Variants in ARHGEF9 observed in about 807,000 individuals in gnomAD.
ARHGEF9 encodes Cdc42 guanine nucleotide exchange factor 9, also known as rho guanine nucleotide exchange factor 9.
ARHGEF9 carries 2 observed loss-of-function variants against 41.3 expected under a neutral mutation model. That is an observed-to-expected ratio of 0.05 (90% CI 0.02 to 0.15). ARHGEF9 has a LOEUF of 0.15. Among genes scored for constraint, ARHGEF9 ranks in the 10% least tolerant of loss-of-function variants. The pLI, the probability that ARHGEF9 is intolerant of heterozygous loss-of-function variation, is 1.00. For synonymous variants in ARHGEF9, 160 were observed against 154.4 expected (o/e 1.04, Z -0.27); for missense variants, 225 against 424.7 (o/e 0.53, Z 4.13).
At chrX:63,684,123 TA>T (rs1359603496) in intron 4 of ARHGEF9, among the ~76,000 whole-genome samples, 1 of 109,850 alleles carries the variant, frequency 9.1e-6, no homozygotes, top group African/African-American at 3.3e-5. Flanking sequence ...ATAAAGTGGT[TA>T]ATATTCAAAA....
At chrX:63,775,860 A>C (rs2056285228) in intron 1 of ARHGEF9, among the ~76,000 whole-genome samples, 1 of 111,890 alleles carries the variant, frequency 8.9e-6, no homozygotes, top group South Asian at 3.8e-4. Flanking sequence ...AAATAAAATC[A>C]AAAGTACATT....
In ARHGEF9 at chrX:63,637,914, G is replaced by T; in HGVS notation, c.*114C>A. The T allele has an allele frequency of 3.6e-6, 2 of 559,888 alleles. No individual in the cohort carries two copies. Among genetic ancestry groups the T allele is most frequent in the East Asian group, 3.7e-5 (1 of 27,030 alleles). The allele number at this position is 559,888 out of a possible 1,213,427, so 46.1% of individuals were successfully genotyped here. ...TGTGTGTGTGTATGTGTACTCAAGG[G>T]TCTCTGTGTGTGTGTGTGTGTATAA... On this transcript the variant is annotated 3_prime_UTR_variant, in exon 10 of 10. Transcript: ENST00000671741.
intron 2 of ARHGEF9, among the ~76,000 whole-genome samples, chrX:63,723,883 G>A (rs1307595056): frequency 8.9e-6 from 1 of 112,248 alleles, no homozygotes; most frequent in African/African-American, 3.2e-5. Context: ...AGAGGCAGAA[G>A]GCTTGCAAGA....
chrX:63,782,378 C>T (rs1304546705), intron 1 of ARHGEF9, among the ~76,000 whole-genome samples: 1 of 112,043 alleles, frequency 8.9e-6, no homozygotes, highest in East Asian at 2.8e-4. Flanking sequence ...GGTCCTAAAC[C>T]TCTGATTTGT....
rs1388870594 is a variant in ARHGEF9, at chrX:63,677,856, A to G, written c.815+484T>C. Among the ~76,000 whole-genome samples, 3 of 111,732 alleles carry G rather than the reference A, an allele frequency of 2.7e-5. No individual in the cohort carries two copies. In the Admixed American group the frequency reaches 2.8e-4, roughly 11 times the overall value. Reference sequence around the variant, plus strand: ...ACATAGCTTTGAGCTATGCTTAAAAACTTTTTTCTGGAACTTTTAAGATGA... The same window carrying G: ...ACATAGCTTTGAGCTATGCTTAAAAGCTTTTTTCTGGAACTTTTAAGATGA... On this transcript the variant is annotated intron_variant, in intron 5 of 9. Transcript: ENST00000671741.
intron 1 of ARHGEF9, among the ~76,000 whole-genome samples, chrX:63,740,292 A>G (rs782546395): frequency 6.6e-4 from 74 of 111,807 alleles, no homozygotes; most frequent in Admixed American, 1.4e-3. Flanking sequence ...ACTTTGACCA[A>G]CCTGACTCCA....
intron 2 of ARHGEF9, 54 bp downstream of exon 2, chrX:63,724,478 G>A (rs2053839396): frequency 7.7e-6 from 9 of 1,162,397 alleles, no homozygotes; most frequent in East Asian, 3.0e-5. Context: ...TGAAGGGGAA[G>A]CCAGGTACAG....
At chrX:63,693,906 C>T (rs1213397965) in intron 4 of ARHGEF9, among the ~76,000 whole-genome samples, 1 of 109,764 alleles carries the variant, frequency 9.1e-6, no homozygotes, top group African/African-American at 3.3e-5. Flanking sequence ...TGGCCAGGCA[C>T]GATGGCTCAC....
Position 63,706,269 on chromosome X carries a change from C to A in ARHGEF9, c.391G>T (p.Asp131Tyr). Residue 131 changes from aspartate (D) to tyrosine (Y), a missense_variant, in exon 3 of 10, where the codon GAT becomes TAT. By Grantham distance (160) the Asp-to-Tyr change is radical (BLOSUM62 -3). Around this residue, in one of 3 missense-constraint regions of ARHGEF9, gnomAD observed 114 missense variants for 197.9 expected, o/e 0.58. Transcript: ENST00000671741. ...ACCACCATGGTTACCTCACAAATAT[C>A]CTTGAGGTGCTTGATGTAGTGACGC... is the stretch of plus-strand genomic sequence containing the variant. ...TERHYIKHLK[D>Y]ICEGYLKQCR... The A allele has an allele frequency of 8.3e-7, 1 of 1,201,213 alleles. No individual in the cohort carries two copies. Among genetic ancestry groups the A allele is most frequent in the Non-Finnish European group, 1.1e-6 (1 of 889,872 alleles).
chrX:63,645,174 T>C (rs1433943590), intron 8 of ARHGEF9, among the ~76,000 whole-genome samples: 3 of 111,060 alleles, frequency 2.7e-5, no homozygotes, highest in African/African-American at 9.8e-5. Flanking sequence ...TTAAAACCTC[T>C]GAGATACAGT....
chrX:63,704,829 T>C lies in ARHGEF9; in HGVS notation c.402+1429A>G, dbSNP rs144734201. Reference sequence around the variant, plus strand: ...CCAGCATTCCATGTCCCCAGACCTCTTGTTCTTTCTACTCTATCTGCCTCA... The same window carrying C: ...CCAGCATTCCATGTCCCCAGACCTCCTGTTCTTTCTACTCTATCTGCCTCA... On this transcript the variant is annotated intron_variant, in intron 3 of 9. Transcript: ENST00000671741. 1.2e-4 allele frequency among the ~76,000 whole-genome samples: 14 copies of C among 112,106 alleles called. No homozygotes were observed. In the East Asian group the frequency reaches 4.0e-3, roughly 32 times the overall value.
At chrX:63,764,176 C>A (rs1285969749) in intron 1 of ARHGEF9, among the ~76,000 whole-genome samples, 1 of 112,539 alleles carries the variant, frequency 8.9e-6, no homozygotes, top group Non-Finnish European at 1.9e-5. Flanking sequence ...ACAGACACTT[C>A]TCAAAAGAAG....
chrX:63,707,800 T>A (rs1435523983), intron 2 of ARHGEF9, among the ~76,000 whole-genome samples: 1 of 111,425 alleles, frequency 9.0e-6, no homozygotes, highest in Non-Finnish European at 1.9e-5. Context: ...ACTTCCCAAC[T>A]CTGTATATTC....
chrX:63,683,529 C>G (rs1245916393), intron 4 of ARHGEF9, among the ~76,000 whole-genome samples: 1 of 111,268 alleles, frequency 9.0e-6, no homozygotes, highest in Non-Finnish European at 1.9e-5. Flanking sequence ...CAAACTAGAC[C>G]CTTGATAGCC....
chrX:63,739,046 TC>T (rs782643068), intron 1 of ARHGEF9, among the ~76,000 whole-genome samples: 1 of 111,886 alleles, frequency 8.9e-6, no homozygotes, highest in South Asian at 3.7e-4. Context: ...CCAGAGACAC[TC>T]CCAGTTTTGG....
intron 1 of ARHGEF9, among the ~76,000 whole-genome samples, chrX:63,781,565 G>A (rs1426956160): frequency 5.4e-5 from 6 of 111,815 alleles, no homozygotes; most frequent in South Asian, 3.8e-4. Context: ...AGAAAGACAC[G>A]TATCATCTAT....
At chrX:63,719,046 C>A (rs782645122) in intron 2 of ARHGEF9, among the ~76,000 whole-genome samples, 1 of 111,844 alleles carries the variant, frequency 8.9e-6, no homozygotes, top group Non-Finnish European at 1.9e-5. Flanking sequence ...AAAAAATGTG[C>A]ATAGTGAGAA....
At chrX:63,683,368 G>A (rs1602385014) in intron 4 of ARHGEF9, among the ~76,000 whole-genome samples, 1 of 111,536 alleles carries the variant, frequency 9.0e-6, no homozygotes, top group African/African-American at 3.3e-5. Flanking sequence ...GAAATAGAAA[G>A]ATTTCCCATG....
intron 7 of ARHGEF9, among the ~76,000 whole-genome samples, chrX:63,665,161 G>A (rs1453354865): frequency 2.7e-5 from 3 of 112,403 alleles, no homozygotes; most frequent in Non-Finnish European, 5.6e-5. Context: ...TGTGAGTGAG[G>A]AAGTAGGGGT....
Sources: allele counts gnomAD v4.1 joint callset (sites outside exome capture counted in the v4.1 genomes callset), GRCh38; gene constraint gnomAD v4.1.1; regional missense constraint gnomAD v4.1.1; transcripts MANE v1.5; gene names NCBI Gene and HGNC (gene_info 2026-07-23, HGNC 2026-07-21).